PIAS1: variants seen among roughly 807,000 people sequenced by gnomAD.
The protein encoded by PIAS1 is protein inhibitor of activated STAT 1.
In PIAS1, 6 loss-of-function variants were observed where a neutral mutation model predicts 71.3. That is an observed-to-expected ratio of 0.08 (90% CI 0.05 to 0.17). The LOEUF is 0.17. Ranked by LOEUF, PIAS1 falls within the 10% of genes least tolerant of loss-of-function variation. PIAS1 has a pLI of 1.00. For synonymous variants in PIAS1, 303 were observed against 292.9 expected (o/e 1.03, Z -0.35); for missense variants, 555 against 793.6 (o/e 0.70, Z 3.61).
At chr15:68,138,060 G>A (rs372686371) in intron 2 of PIAS1, among the ~76,000 whole-genome samples, 15 of 152,252 alleles carry the variant, frequency 9.9e-5, no homozygotes, top group African/African-American at 3.6e-4. Context: ...TGAGGCAGGA[G>A]GATTGCTTGA....
In PIAS1 at chr15:68,104,315, T is replaced by C. The variant is rs538854368; in HGVS notation, c.469+17565T>C. Among the ~76,000 whole-genome samples, 21 of 152,344 alleles carry C rather than the reference T, an allele frequency of 1.4e-4. No individual in the cohort carries two copies. In the South Asian group the frequency reaches 3.9e-3, roughly 29 times the overall value. ...TCATTTTTTTCTGACCTCTGTGATA[T>C]GAATTATACTTTGTTTCTCTTTTAT... On this transcript the variant is annotated intron_variant, in intron 2 of 13. Transcript: ENST00000249636.
rs141342372 is a variant in PIAS1 at position 68,127,912 on chromosome 15, G to A, written c.470-14034G>A. On this transcript the variant is annotated intron_variant, in intron 2 of 13. Transcript: ENST00000249636. ...CAAGTAGCTAGGATTACAGGTGCAC[G>A]CCACCACGCCCAGCTAATTATTTTG... Among the ~76,000 whole-genome samples the A allele has an allele frequency of 3.3e-5, 5 of 152,058 alleles. No individual in the cohort carries two copies. The East Asian group carries it at 5.8e-4, about 18-fold the overall frequency.
rs1597122404 is a variant in PIAS1 at position 68,067,612 on chromosome 15, A to T, written c.24+13262A>T. The stretch of plus-strand genomic sequence containing the variant: ...TATAATACAAACTATATTAATATAT[A>T]ATAATGATTCTTAAATAGATGCCTA... On this transcript the variant is annotated intron_variant, in intron 1 of 13. Transcript: ENST00000249636. 2.0e-5 allele frequency among the ~76,000 whole-genome samples: 3 copies of T among 152,258 alleles called. No homozygotes were observed. The South Asian group carries it at 6.2e-4, about 32-fold the overall frequency.
At chr15:68,125,878 T>G (rs1361490920) in intron 2 of PIAS1, among the ~76,000 whole-genome samples, 1 of 152,106 alleles carries the variant, frequency 6.6e-6, no homozygotes, top group Non-Finnish European at 1.5e-5. Context: ...TTTGTTATTT[T>G]TTGTAGAGAC....
intron 7 of PIAS1, among the ~76,000 whole-genome samples, chr15:68,160,549 GT>G (rs1433670171): frequency 6.6e-6 from 1 of 151,986 alleles, no homozygotes; most frequent in Non-Finnish European, 1.5e-5. Context: ...CTCCAATTTT[GT>G]TTTTCTTTTT....
At chr15:68,169,237 G>A (rs905713301) in intron 8 of PIAS1, among the ~76,000 whole-genome samples, 2 of 152,170 alleles carry the variant, frequency 1.3e-5, no homozygotes, top group East Asian at 3.8e-4. Flanking sequence ...ATCTAAAAAC[G>A]TAACTTGGCA....
intron 7 of PIAS1, among the ~76,000 whole-genome samples, chr15:68,154,200 T>G (rs1289287536): frequency 1.2e-4 from 19 of 152,184 alleles, no homozygotes; most frequent in East Asian, 1.9e-4. Context: ...CCGTCTGATT[T>G]CTAATGCTTC....
chr15:68,136,655 A>G (rs1009077545), intron 2 of PIAS1, among the ~76,000 whole-genome samples: 5 of 152,200 alleles, frequency 3.3e-5, no homozygotes, highest in African/African-American at 9.6e-5. Context: ...CATAGAAACA[A>G]TAAGCCAAAA....
At chr15:68,076,761 T>C (rs189073888) in intron 1 of PIAS1, among the ~76,000 whole-genome samples, 33 of 152,250 alleles carry the variant, frequency 2.2e-4, no homozygotes, top group African/African-American at 7.5e-4. Flanking sequence ...GTGTTAAGAT[T>C]ATAAAAGGAA....
At chr15:68,089,603 G>A (rs2092316233) in intron 2 of PIAS1, among the ~76,000 whole-genome samples, 1 of 152,106 alleles carries the variant, frequency 6.6e-6, no homozygotes, top group Non-Finnish European at 1.5e-5. Context: ...AGCCCAGGCT[G>A]GAGTGCAGTG....
At chr15:68,121,554 C>A (rs1243500005) in intron 2 of PIAS1, among the ~76,000 whole-genome samples, 1 of 151,866 alleles carries the variant, frequency 6.6e-6, no homozygotes, top group Non-Finnish European at 1.5e-5. Flanking sequence ...CTTGCTTTTT[C>A]TTCTGTATTT....
rs547768186 is a variant in PIAS1, at chr15:68,100,461, A to G, written c.469+13711A>G. Reference sequence around the variant, plus strand: ...CAGTGGTTCATCCAAGTTGCTGTGTATATCACTAGTTTGTTCCTTTTAAGG... The same window carrying G: ...CAGTGGTTCATCCAAGTTGCTGTGTGTATCACTAGTTTGTTCCTTTTAAGG... On this transcript the variant is annotated intron_variant, in intron 2 of 13. Transcript: ENST00000249636. 2.9e-3 allele frequency among the ~76,000 whole-genome samples: 448 copies of G among 152,296 alleles called. 2 individuals are homozygous for G. Among genetic ancestry groups the G allele is most frequent in the Non-Finnish European group, 5.1e-3 (346 of 68,012 alleles).
At position 68,171,633 on chromosome 15, in the gene PIAS1, C is replaced by G. The variant is rs2141087388; in HGVS notation, c.1009-2099C>G. Among the ~76,000 whole-genome samples, 1 of 152,198 alleles carries G rather than the reference C, an allele frequency of 6.6e-6. No homozygotes were observed. The highest frequency in any genetic ancestry group is 1.9e-4 in the East Asian group (1 of 5,190). Reference sequence around the variant, plus strand: ...GTAAGTTTATAGCATGTTCAGTGTTCTATTTTTATTCATCATGGCTACATC... The same window carrying G: ...GTAAGTTTATAGCATGTTCAGTGTTGTATTTTTATTCATCATGGCTACATC... On this transcript the variant is annotated intron_variant, in intron 8 of 13. Transcript: ENST00000249636. This position sits in a 1 kb window ranked among gnomAD's most constrained non-coding sequence, Gnocchi z 4.4.
At chr15:68,084,485 A>C (rs796825600) in intron 1 of PIAS1, among the ~76,000 whole-genome samples, 1 of 152,312 alleles carries the variant, frequency 6.6e-6, no homozygotes, top group African/African-American at 2.4e-5. Context: ...ATTGTTTACA[A>C]TCTTTGATAA....
At chr15:68,095,077 G>C (rs1356927152) in intron 2 of PIAS1, among the ~76,000 whole-genome samples, 2 of 152,064 alleles carry the variant, frequency 1.3e-5, no homozygotes, top group Non-Finnish European at 2.9e-5. Context: ...TTAACCATTA[G>C]AATCAGTGAA....
In PIAS1 at chr15:68,085,212, T is replaced by C. The variant is rs189710762; in HGVS notation, c.25-1094T>C. ...ATAGAGAGCAAATGGTAAGCTTACA[T>C]GTGTCTTTTTATCCTAATACTCCCT... On this transcript the variant is annotated intron_variant, in intron 1 of 13. Transcript: ENST00000249636. 1.8e-3 allele frequency among the ~76,000 whole-genome samples: 280 copies of C among 152,268 alleles called. 1 individual carries two copies. The highest frequency in any genetic ancestry group is 6.2e-3 in the African/African-American group (256 of 41,562).
At chr15:68,165,187 T>C (rs1211743138) in intron 8 of PIAS1, among the ~76,000 whole-genome samples, 2 of 152,208 alleles carry the variant, frequency 1.3e-5, no homozygotes, top group African/African-American at 2.4e-5. Context: ...AATGGTGCCA[T>C]CTCGGCTCAC....
chr15:68,127,512 G>GT (rs1286011090), intron 2 of PIAS1, among the ~76,000 whole-genome samples: 2 of 152,116 alleles, frequency 1.3e-5, no homozygotes, highest in African/African-American at 2.4e-5. Flanking sequence ...TTGAGGATGC[G>GT]TTTTTCTTTG....
At chr15:68,115,554 G>A (rs1459552985) in intron 2 of PIAS1, among the ~76,000 whole-genome samples, 1 of 151,994 alleles carries the variant, frequency 6.6e-6, no homozygotes, top group Non-Finnish European at 1.5e-5. Flanking sequence ...TATTGTGCTG[G>A]CAAGAACCTT....
Sources: allele counts gnomAD v4.1 joint callset (sites outside exome capture counted in the v4.1 genomes callset), GRCh38; gene constraint gnomAD v4.1.1; non-coding constraint Gnocchi (gnomAD v3.1); transcripts MANE v1.5; gene names NCBI Gene and HGNC (gene_info 2026-07-23, HGNC 2026-07-21).